The following SCMH1 variants were observed in gnomAD, a reference collection of about 807,000 sequenced individuals.
SCMH1 encodes the protein Scm polycomb group protein homolog 1, also known as polycomb protein SCMH1.
In SCMH1, 37 loss-of-function variants were observed where a neutral mutation model predicts 70.8. That is an observed-to-expected ratio of 0.52 (90% CI 0.40 to 0.69). The LOEUF (loss-of-function observed/expected upper bound fraction) is 0.69. Among genes scored for constraint, SCMH1 ranks in the 30% least tolerant of loss-of-function variants. The pLI is 0.00. For missense variants in SCMH1, 607 were observed against 827.3 expected (o/e 0.73, Z 3.27); for synonymous variants, 292 against 307.4 (o/e 0.95, Z 0.52).
At chr1:41,159,080 G>A (rs991036911) in intron 4 of SCMH1, among the ~76,000 whole-genome samples, 6 of 152,148 alleles carry the variant, frequency 3.9e-5, no homozygotes, top group Non-Finnish European at 7.3e-5. Flanking sequence ...TAAATGCTGG[G>A]CAAGGGTAGA....
chr1:41,071,933 G>A (rs1394380985), intron 9 of SCMH1, among the ~76,000 whole-genome samples: 2 of 152,134 alleles, frequency 1.3e-5, no homozygotes, highest in Non-Finnish European at 2.9e-5. Context: ...CAAAGTGTTG[G>A]GATTATAGGC....
intron 10 of SCMH1, among the ~76,000 whole-genome samples, chr1:41,049,310 A>ATGTGTGTGTGTGTGTGTG (rs3030391): frequency 4.7e-5 from 7 of 149,894 alleles, no homozygotes; most frequent in African/African-American, 9.8e-5. Context: ...GCAAGGGCAT[A>ATGTGTGTGTGTGTGTGTG]TGTGTGTGTG....
intron 4 of SCMH1, among the ~76,000 whole-genome samples, chr1:41,159,556 G>A (rs1645848842): frequency 6.6e-6 from 1 of 152,166 alleles, no homozygotes; most frequent in Admixed American, 6.5e-5. Flanking sequence ...TAATTTGCCT[G>A]AAGTCACAAA....
intron 10 of SCMH1, among the ~76,000 whole-genome samples, chr1:41,049,310 A>ATGTGTGTG (rs3030391): frequency 0.089 from 13,283 of 149,788 alleles, 638 homozygotes; most frequent in South Asian, 0.15. Flanking sequence ...GCAAGGGCAT[A>ATGTGTGTG]TGTGTGTGTG....
intron 2 of SCMH1, among the ~76,000 whole-genome samples, chr1:41,179,901 GAC>G (rs781135609): frequency 6.6e-6 from 1 of 152,060 alleles, no homozygotes; most frequent in Non-Finnish European, 1.5e-5. Flanking sequence ...GTCTGGCAGA[GAC>G]ACAACAAAAA....
chr1:41,077,723 C>G (rs7533516), intron 8 of SCMH1, among the ~76,000 whole-genome samples: 1,744 of 152,264 alleles, frequency 0.011, 35 homozygotes, highest in African/African-American at 0.04. Flanking sequence ...CAGATGTGGT[C>G]TAACTCAATC....
chr1:41,190,495 G>A (rs889600922), intron 1 of SCMH1, among the ~76,000 whole-genome samples: 3 of 152,194 alleles, frequency 2.0e-5, no homozygotes, highest in Non-Finnish European at 2.9e-5. Flanking sequence ...CATCACTAAG[G>A]ATGTGAAAGC....
chr1:41,239,013 C>CT (rs1662954830), intron 1 of SCMH1, among the ~76,000 whole-genome samples: 4 of 152,176 alleles, frequency 2.6e-5, no homozygotes. Context: ...AAGCCTTATA[C>CT]ATTTTCTCAG....
At chr1:41,067,293 A>T (rs1034030145) in intron 10 of SCMH1, among the ~76,000 whole-genome samples, 1 of 151,790 alleles carries the variant, frequency 6.6e-6, no homozygotes, top group Non-Finnish European at 1.5e-5. Flanking sequence ...AAATACAAAA[A>T]ATTAGTCGGG....
At chr1:41,039,269 C>T (rs796953805) in intron 12 of SCMH1, among the ~76,000 whole-genome samples, 17 of 152,304 alleles carry the variant, frequency 1.1e-4, no homozygotes, top group African/African-American at 4.1e-4. Context: ...TTGAGTGTCT[C>T]TTCCTTTCAG....
chr1:41,097,850 A>G (rs778870760), intron 8 of SCMH1, among the ~76,000 whole-genome samples: 1 of 152,202 alleles, frequency 6.6e-6, no homozygotes, highest in East Asian at 1.9e-4. Flanking sequence ...AAATTCTTCA[A>G]TAGTCTCTTT....
chr1:41,138,711 A>T (rs941999253), intron 6 of SCMH1, among the ~76,000 whole-genome samples: 1 of 152,086 alleles, frequency 6.6e-6, no homozygotes, highest in Non-Finnish European at 1.5e-5. Flanking sequence ...CTATGATTCA[A>T]GGTATTTTTT....
chr1:41,172,452 AAT>A (rs1429872103), intron 2 of SCMH1, among the ~76,000 whole-genome samples: 1 of 152,158 alleles, frequency 6.6e-6, no homozygotes, highest in Admixed American at 6.5e-5. Flanking sequence ...AAAAAATAGA[AAT>A]ATATCTCATG....
intron 1 of SCMH1, among the ~76,000 whole-genome samples, chr1:41,204,612 A>G (rs1477749991): frequency 6.6e-6 from 1 of 152,138 alleles, no homozygotes; most frequent in Non-Finnish European, 1.5e-5. Context: ...CAATATTCAC[A>G]TGTCTGGCTT....
chr1:41,226,833 T>A (rs987605853), intron 1 of SCMH1, among the ~76,000 whole-genome samples: 1 of 152,190 alleles, frequency 6.6e-6, no homozygotes, highest in Admixed American at 6.5e-5. Flanking sequence ...TTTGAATAGA[T>A]TCTGGGAGAT....
chr1:41,084,453 C>A (rs1174345239), intron 8 of SCMH1, among the ~76,000 whole-genome samples: 1 of 152,066 alleles, frequency 6.6e-6, no homozygotes, highest in Admixed American at 6.6e-5. Flanking sequence ...GTTAGAATGG[C>A]GATCATTAAA....
chr1:41,204,147 AGTT>A (rs1654983715), intron 1 of SCMH1, among the ~76,000 whole-genome samples: 1 of 152,204 alleles, frequency 6.6e-6, no homozygotes, highest in African/African-American at 2.4e-5. Flanking sequence ...AAGGTTACAC[AGTT>A]GGTACATGGT....
chr1:41,080,098 CTGTT>C (rs200243629), intron 8 of SCMH1, among the ~76,000 whole-genome samples: 1,671 of 151,992 alleles, frequency 0.011, 17 homozygotes, highest in African/African-American at 0.037. Context: ...TTTAAAAAAT[CTGTT>C]TGTTTGTTCC....
exon 15 of SCMH1, chr1:41,027,338 A>T (rs1312066697): frequency 1.3e-5 from 2 of 152,264 alleles, no homozygotes; most frequent in African/African-American, 4.8e-5. Flanking sequence ...CAGCCTGGAA[A>T]ACCTGCCCTC....
Sources: allele counts gnomAD v4.1 joint callset (sites outside exome capture counted in the v4.1 genomes callset), GRCh38; gene constraint gnomAD v4.1.1; transcripts MANE v1.5; gene names NCBI Gene and HGNC (gene_info 2026-07-23, HGNC 2026-07-21).